Variants in CNTNAP5 observed in about 807,000 individuals in gnomAD.
CNTNAP5 encodes the protein contactin-associated protein-like 5.
A neutral mutation model predicts 150.2 loss-of-function variants in CNTNAP5; 72 were observed. The observed-to-expected ratio is 0.48, with a 90% CI of 0.40 to 0.58. The LOEUF (loss-of-function observed/expected upper bound fraction) is 0.58. CNTNAP5 is among the 20% of genes least tolerant of loss of function. The probability of loss-of-function intolerance (pLI) is 0.00; values close to 1 mark genes in which losing one functional copy is unlikely to be tolerated. For missense variants in CNTNAP5, 1,636 were observed against 1,626.2 expected (o/e 1.01, Z -0.10); for synonymous variants, 672 against 619.8 (o/e 1.08, Z -1.25).
chr2:124,469,264 A>G (rs578103988), intron 6 of CNTNAP5, among the ~76,000 whole-genome samples: 1 of 152,238 alleles, frequency 6.6e-6, no homozygotes, highest in South Asian at 2.1e-4. Context: ...AAAACTCTCC[A>G]CCCTGAATAT....
chr2:124,421,058 A>G (rs1692092448), intron 4 of CNTNAP5, among the ~76,000 whole-genome samples: 1 of 152,062 alleles, frequency 6.6e-6, no homozygotes, highest in African/African-American at 2.4e-5. Context: ...TTTTCCTCCT[A>G]TCTCACTTGC....
intron 3 of CNTNAP5, among the ~76,000 whole-genome samples, chr2:124,325,558 A>G (rs1689194964): frequency 6.6e-6 from 1 of 152,146 alleles, no homozygotes; most frequent in Non-Finnish European, 1.5e-5. Context: ...TTGGCATAAG[A>G]TAAACTGGTA....
At chr2:124,631,899 G>T (rs1424831263) in intron 12 of CNTNAP5, among the ~76,000 whole-genome samples, 2 of 152,060 alleles carry the variant, frequency 1.3e-5, no homozygotes, top group South Asian at 2.1e-4. Context: ...TAAAAAGTGG[G>T]CAAAGGATAT....
rs143330750 is a variant in CNTNAP5, at chr2:124,290,027, G to A, written c.381+47634G>A. On this transcript the variant is annotated intron_variant, in intron 3 of 23. Transcript: ENST00000682447. Reference sequence around the variant, plus strand: ...ATGTGCATCTAAAAATATTCATTGGGTTTTGGGGAGGGTGTTTATAAATCT... The same window carrying A: ...ATGTGCATCTAAAAATATTCATTGGATTTTGGGGAGGGTGTTTATAAATCT... 2.4e-3 allele frequency among the ~76,000 whole-genome samples: 363 copies of A among 152,252 alleles called. 2 individuals are homozygous for A. The highest frequency in any genetic ancestry group is 8.3e-3 in the African/African-American group (344 of 41,546).
At chr2:124,721,502 T>G (rs1680047801) in intron 13 of CNTNAP5, among the ~76,000 whole-genome samples, 1 of 146,570 alleles carries the variant, frequency 6.8e-6, no homozygotes, top group Admixed American at 6.8e-5. Flanking sequence ...AATAAATAAA[T>G]AAATAAATAC....
intron 3 of CNTNAP5, among the ~76,000 whole-genome samples, chr2:124,359,219 C>T (rs1477223152): frequency 6.6e-6 from 1 of 151,480 alleles, no homozygotes; most frequent in Non-Finnish European, 1.5e-5. Context: ...GTCTTGCTAG[C>T]GGTCTATCAA....
intron 12 of CNTNAP5, among the ~76,000 whole-genome samples, chr2:124,636,439 G>A (rs534561691): frequency 6.6e-6 from 1 of 152,172 alleles, no homozygotes; most frequent in Non-Finnish European, 1.5e-5. Context: ...TAAAAATAAT[G>A]ACTAGTAACT....
At chr2:124,810,402 A>T (rs1346430018) in intron 19 of CNTNAP5, among the ~76,000 whole-genome samples, 1 of 152,168 alleles carries the variant, frequency 6.6e-6, no homozygotes, top group Non-Finnish European at 1.5e-5. Flanking sequence ...AGCGCTGCTT[A>T]AACAGCATGT....
chr2:124,328,960 G>A (rs1689284501), intron 3 of CNTNAP5, among the ~76,000 whole-genome samples: 1 of 152,188 alleles, frequency 6.6e-6, no homozygotes, highest in Admixed American at 6.5e-5. Context: ...TATGAAATAG[G>A]AGACTGAAAG....
intron 12 of CNTNAP5, among the ~76,000 whole-genome samples, chr2:124,646,361 G>C (rs1191631784): frequency 2.0e-5 from 3 of 152,176 alleles, no homozygotes; most frequent in Non-Finnish European, 4.4e-5. Flanking sequence ...GTGACTTTCA[G>C]TGTATGTGCT....
chr2:124,514,187 C>T (rs559328745), intron 8 of CNTNAP5, among the ~76,000 whole-genome samples: 88 of 152,238 alleles, frequency 5.8e-4, no homozygotes, highest in Non-Finnish European at 9.8e-4. Flanking sequence ...TGAAGCATTT[C>T]GTGTTATGGA....
intron 3 of CNTNAP5, among the ~76,000 whole-genome samples, chr2:124,380,701 T>A (rs1690769685): frequency 6.6e-6 from 1 of 152,138 alleles, no homozygotes; most frequent in Admixed American, 6.5e-5. Context: ...ACCTCCACTC[T>A]CTTTTGAAGC....
At chr2:124,804,935 G>T (rs1388131111) in intron 19 of CNTNAP5, among the ~76,000 whole-genome samples, 1 of 152,112 alleles carries the variant, frequency 6.6e-6, no homozygotes, top group Non-Finnish European at 1.5e-5. Context: ...GCATCCTGGG[G>T]TTATCAGAGC....
intron 14 of CNTNAP5, among the ~76,000 whole-genome samples, chr2:124,752,292 C>A (rs974935246): frequency 5.9e-5 from 9 of 152,092 alleles, no homozygotes; most frequent in Admixed American, 5.2e-4. Context: ...TGGGTTCAAG[C>A]AATCCTCCCA....
intron 1 of CNTNAP5, among the ~76,000 whole-genome samples, chr2:124,048,339 C>T (rs954634718): frequency 1.3e-5 from 2 of 152,162 alleles, no homozygotes; most frequent in Non-Finnish European, 2.9e-5. Flanking sequence ...TTCTTTTCTT[C>T]CTCGTATATT....
intron 6 of CNTNAP5, among the ~76,000 whole-genome samples, chr2:124,469,999 ATG>A (rs1275301558): frequency 6.6e-6 from 1 of 152,108 alleles, no homozygotes; most frequent in Admixed American, 6.5e-5. Context: ...TGTAGATTCC[ATG>A]TGTTTGCTAT....
intron 11 of CNTNAP5, among the ~76,000 whole-genome samples, chr2:124,587,504 A>G (rs1011379366): frequency 1.3e-5 from 2 of 152,198 alleles, no homozygotes; most frequent in Non-Finnish European, 2.9e-5. Context: ...TCCAAATTCT[A>G]GTGTGCATAA....
chr2:124,160,669 T>A (rs973121563), intron 1 of CNTNAP5, among the ~76,000 whole-genome samples: 2 of 152,126 alleles, frequency 1.3e-5, no homozygotes, highest in Non-Finnish European at 2.9e-5. Context: ...ATGATATACA[T>A]AATGCAGTTT....
In CNTNAP5 at chr2:124,134,806, T is replaced by A. The variant is rs139772096; in HGVS notation, c.83-86899T>A. Among the ~76,000 whole-genome samples the A allele has an allele frequency of 2.0e-5, 3 of 152,282 alleles. No individual in the cohort carries two copies. The East Asian group carries it at 5.8e-4, about 29-fold the overall frequency. ...CTGTCCATTCCCCAAGACTCTATCCTCCCAGAAGAAAGGTTACATTGTAGA... is the reference window on the plus strand; with the variant it reads ...CTGTCCATTCCCCAAGACTCTATCCACCCAGAAGAAAGGTTACATTGTAGA... On this transcript the variant is annotated intron_variant, in intron 1 of 23. Coordinates refer to ENST00000682447, the MANE Select transcript of CNTNAP5 (RefSeq NM_001367498.1).
Sources: gnomAD v4.1 joint callset for allele counts (sites outside exome capture counted in the v4.1 genomes callset) on GRCh38, gnomAD v4.1.1 for gene constraint, MANE v1.5 for transcripts, NCBI Gene and HGNC (gene_info 2026-07-23, HGNC 2026-07-21) for gene names.